OTOG: variants seen among roughly 807,000 people sequenced by gnomAD.
The protein encoded by OTOG is otogelin.
Under a neutral mutation model 313.8 loss-of-function variants are expected in OTOG, and 296 were observed. The observed-to-expected ratio is 0.94, with a 90% CI of 0.86 to 1.04. The LOEUF is 1.04. OTOG is among the 50% of genes least tolerant of loss of function. The pLI, the probability that OTOG is intolerant of heterozygous loss-of-function variation, is 0.00. For synonymous variants in OTOG, 1,533 were observed against 1,554.9 expected, an observed-to-expected ratio of 0.99 and a Z score of 0.33; for missense variants, 3,948 against 3,840.1, an observed-to-expected ratio of 1.03 and a Z score of -0.74.
At chr11:17,596,617 T>C (rs1853115197) in intron 29 of OTOG, among the ~76,000 whole-genome samples, 1 of 152,226 alleles carries the variant, frequency 6.6e-6, no homozygotes, top group Non-Finnish European at 1.5e-5. Context: ...TCTTGGCTCC[T>C]GGATCAAACA....
chr11:17,645,993 T>C lies in OTOG; in HGVS notation c.*49T>C. 1 of 1,518,924 alleles carries C rather than the reference T, an allele frequency of 6.6e-7. No homozygotes were observed. Among genetic ancestry groups the C allele is most frequent in the Non-Finnish European group, 8.9e-7 (1 of 1,126,758 alleles). 94.1% of individuals were successfully genotyped at this position (1,518,924 alleles called of 1,614,324 possible). ...GACCACCTCTGCCAGCCCCACTTTC[T>C]GTTTCCAGCTGGCCCAATGTGAATG... On this transcript the variant is annotated 3_prime_UTR_variant, in exon 56 of 56. Transcript: ENST00000399397.
At chr11:17,613,365 CTT>C (rs1853641179) in intron 38 of OTOG, among the ~76,000 whole-genome samples, 2 of 104,494 alleles carry the variant, frequency 1.9e-5, no homozygotes, top group African/African-American at 6.9e-5. Context: ...TCCTTCCTTC[CTT>C]CCTTCCCTCC....
intron 38 of OTOG, among the ~76,000 whole-genome samples, chr11:17,613,202 T>TC (rs1252386769): frequency 2.3e-5 from 2 of 87,364 alleles, no homozygotes; most frequent in African/African-American, 5.5e-5. Context: ...TTCTTTTCTT[T>TC]CTTTCTTTCT....
chr11:17,596,023 G>GC lies in OTOG; in HGVS notation c.3409-13dup, dbSNP rs1395454614. On this transcript the variant is annotated splice_polypyrimidine_tract_variant and intron_variant, in intron 28 of 55. Coordinates refer to ENST00000399397, the MANE Select transcript of OTOG (RefSeq NM_001292063.2). ...GGCAAGTAGGGAGGTCAACAGCCCT[G>GC]CCTTTGCCCCTCAGTGCCCAGACAC... 4 of 1,536,644 alleles carry GC rather than the reference G, an allele frequency of 2.6e-6. No individual in the cohort carries two copies. The highest frequency in any genetic ancestry group is 3.5e-6 in the Non-Finnish European group (4 of 1,134,226).
chr11:17,611,535 C>A (rs1297520287), intron 36 of OTOG, 112 bp downstream of exon 36: 1 of 1,160,540 alleles, frequency 8.6e-7, no homozygotes, highest in African/African-American at 1.6e-5. Context: ...CCCCATGCTC[C>A]TGGTCCCTGA....
rs1590032745 is a variant in OTOG, at chr11:17,600,581, G to A, written c.3709+884G>A. ...GACAGGATACCATCTGGGGGCCTGCGAGATGACGGCCGGACCAGGGTGTAG... is the reference window on the plus strand; with the variant it reads ...GACAGGATACCATCTGGGGGCCTGCAAGATGACGGCCGGACCAGGGTGTAG... On this transcript the variant is annotated intron_variant, in intron 31 of 55. Transcript: ENST00000399397. Among the ~76,000 whole-genome samples the A allele has an allele frequency of 2.0e-5, 3 of 152,266 alleles. No individual in the cohort carries two copies. The South Asian group carries it at 6.2e-4, about 32-fold the overall frequency.
intron 31 of OTOG, among the ~76,000 whole-genome samples, chr11:17,600,043 T>C (rs1470445925): frequency 1.3e-5 from 2 of 152,230 alleles, no homozygotes; most frequent in Non-Finnish European, 1.5e-5. Context: ...CCACAGAACA[T>C]CACCTTGGGT....
intron 30 of OTOG, among the ~76,000 whole-genome samples, chr11:17,598,298 G>A (rs892262938): frequency 4.6e-5 from 7 of 152,170 alleles, no homozygotes; most frequent in Non-Finnish European, 1.0e-4. Context: ...TAAAAATACT[G>A]TGATGAACAA....
At chr11:17,638,314 C>A in intron 47 of OTOG, 137 bp from the exon 48 acceptor site, 1 of 741,536 alleles carries the variant, frequency 1.3e-6, no homozygotes, top group Non-Finnish European at 2.1e-6. Flanking sequence ...CCAGACTCTT[C>A]CCTGGGGCTC....
chr11:17,629,465 G>A (rs536489245), intron 40 of OTOG, 149 bp downstream of exon 40: 18 of 933,200 alleles, frequency 1.9e-5, no homozygotes, highest in Admixed American at 8.9e-5. Flanking sequence ...GAGGCCTAAC[G>A]TCTTGTGTCC....
intron 23 of OTOG, among the ~76,000 whole-genome samples, chr11:17,579,807 G>A (rs967921324): frequency 3.3e-5 from 5 of 152,206 alleles, no homozygotes; most frequent in African/African-American, 1.2e-4. Flanking sequence ...TAGTAGCAAG[G>A]CCACAGAGAC....
chr11:17,589,469 A>G (rs1313413185), intron 24 of OTOG, among the ~76,000 whole-genome samples: 1 of 152,150 alleles, frequency 6.6e-6, no homozygotes, highest in East Asian at 1.9e-4. Context: ...CCGTGTTCCT[A>G]TCTAAAGTGA....
chr11:17,611,394 A>C lies in OTOG; in HGVS notation c.6094A>C (p.Thr2032Pro). 6.5e-7 allele frequency: 1 copy of C among 1,536,904 alleles called. No homozygotes were observed. The highest frequency in any genetic ancestry group is 8.8e-7 in the Non-Finnish European group (1 of 1,137,408). ...EGLAEALATT[T>P]EANTSTTCVP... ...TTTGGCGGAGGCTTTGGCAACTACC[A>C]CTGAGGCCAATACATCCACCACCTG... The change falls in exon 36 of 56, where the codon ACT becomes CCT. Residue 2032 changes from threonine (T) to proline (P), a missense_variant. Transcript: ENST00000399397.
Position 17,572,164 on chromosome 11 carries a change from T to C in OTOG, c.2040T>C (p.Ser680=), listed in dbSNP as rs1425726701. The stretch of plus-strand genomic sequence containing the variant: ...TTTCTGCTTGCTCCCCGCTGGTCTC[T>C]GGCTCCCCTCTGGACCCCTGCGATG... ...KTLSACSPLV[S]GSPLDPCDVH... The change falls in exon 18 of 56, where the codon TCT becomes TCC. Residue 680 remains serine, a synonymous_variant. Coordinates refer to ENST00000399397, the MANE Select transcript of OTOG (RefSeq NM_001292063.2). 9.0e-6 allele frequency: 14 copies of C among 1,550,376 alleles called. No homozygotes were observed. Among genetic ancestry groups the C allele is most frequent in the Non-Finnish European group, 1.1e-5 (13 of 1,146,948 alleles).
intron 3 of OTOG, among the ~76,000 whole-genome samples, chr11:17,548,486 G>A (rs550868353): frequency 3.8e-5 from 5 of 131,978 alleles, no homozygotes; most frequent in Non-Finnish European, 6.1e-5. Flanking sequence ...GCTCTTTCAG[G>A]AGAGAGCTGA....
Position 17,610,516 on chromosome 11 carries a change from C to A in OTOG, c.5216C>A (p.Ser1739Tyr), listed in dbSNP as rs761356706. The A allele has an allele frequency of 6.4e-7, 1 of 1,550,498 alleles. No individual in the cohort carries two copies. Among genetic ancestry groups the A allele is most frequent in the Non-Finnish European group, 8.7e-7 (1 of 1,146,976 alleles). The change falls in exon 36 of 56, where the codon TCC becomes TAC. Residue 1739 changes from serine to tyrosine, a missense_variant. Ser to Tyr is a moderately radical substitution (Grantham distance 144). Coordinates refer to ENST00000399397, the MANE Select transcript of OTOG (RefSeq NM_001292063.2). ...AGCCAGCCCATGGGCTCGCCTGCCTCCCCACAGCCACACCCACTCCCCTCT... is the reference window on the plus strand; with the variant it reads ...AGCCAGCCCATGGGCTCGCCTGCCTACCCACAGCCACACCCACTCCCCTCT... ...GHSQPMGSPA[S>Y]PQPHPLPSAP...
intron 39 of OTOG, among the ~76,000 whole-genome samples, chr11:17,616,316 C>A (rs527513731): frequency 1.3e-4 from 20 of 152,328 alleles, no homozygotes; most frequent in Admixed American, 1.2e-3. Context: ...CTCAGCCTCC[C>A]AAAGTGCTAG....
chr11:17,642,044 A>G (rs1847986639), intron 52 of OTOG, 83 bp from the exon 53 acceptor site: 1 of 1,520,596 alleles, frequency 6.6e-7, no homozygotes, highest in Admixed American at 2.0e-5. Context: ...AGGGCTGGGT[A>G]CAAACAGGCT....
rs1313631726 is a variant in OTOG at position 17,596,907 on chromosome 11, G to T, written c.3582G>T (p.Gln1194His). Residue 1194 changes from glutamine to histidine, a missense_variant, in exon 30 of 56, where the codon CAG becomes CAT. By Grantham distance (24) the Gln-to-His change is conservative. Coordinates refer to ENST00000399397, the MANE Select transcript of OTOG (RefSeq NM_001292063.2). ...NCLTDTCGCS[Q>H]GGDCECFCAS... Reference sequence around the variant, plus strand: ...TGACAGACACATGTGGCTGCAGCCAGGGTGGTGACTGTGAGTGCTTCTGTG... The same window carrying T: ...TGACAGACACATGTGGCTGCAGCCATGGTGGTGACTGTGAGTGCTTCTGTG... 4 of 1,550,998 alleles carry T rather than the reference G, an allele frequency of 2.6e-6. No homozygotes were observed. Among genetic ancestry groups the T allele is most frequent in the Middle Eastern group, 1.7e-4 (1 of 5,992 alleles).
Sources: gnomAD v4.1 joint callset for allele counts (sites outside exome capture counted in the v4.1 genomes callset) on GRCh38, gnomAD v4.1.1 for gene constraint, MANE v1.5 for transcripts, NCBI Gene and HGNC (gene_info 2026-07-23, HGNC 2026-07-21) for gene names.